Variants in MIPOL1 observed in about 807,000 individuals in gnomAD.
MIPOL1 encodes the protein mirror-image polydactyly 1.
Under a neutral mutation model 60.9 loss-of-function variants are expected in MIPOL1, and 57 were observed. The ratio of observed to expected loss-of-function variants is 0.94; its 90% CI spans 0.76 to 1.17. MIPOL1 has a LOEUF of 1.17. Among genes scored for constraint, MIPOL1 ranks in the 50% most tolerant of loss-of-function variants. The pLI is 0.00. For missense variants in MIPOL1, 551 were observed against 511.6 expected (o/e 1.08, Z -0.74); for synonymous variants, 179 against 168.8 (o/e 1.06, Z -0.47).
At chr14:37,298,338 CA>C (rs1400988020) in intron 7 of MIPOL1, among the ~76,000 whole-genome samples, 10 of 151,510 alleles carry the variant, frequency 6.6e-5, no homozygotes, top group Non-Finnish European at 1.2e-4. Context: ...GACCTAAAAC[CA>C]TAAAAACCCT....
At chr14:37,499,757 ATGT>A (rs1481554205) in intron 11 of MIPOL1, 148 bp from the exon 12 acceptor site, 9 of 465,552 alleles carry the variant, frequency 1.9e-5, no homozygotes, top group Non-Finnish European at 3.5e-5. Context: ...ATCAATTATA[ATGT>A]TGTGACATAA....
At chr14:37,374,258 A>C (rs904946059) in intron 10 of MIPOL1, among the ~76,000 whole-genome samples, 5 of 151,962 alleles carry the variant, frequency 3.3e-5, no homozygotes, top group Non-Finnish European at 7.4e-5. Context: ...AAATTTGTTT[A>C]AGTTATTTGT....
chr14:37,236,054 G>A (rs1299728385), intron 1 of MIPOL1, among the ~76,000 whole-genome samples: 1 of 151,846 alleles, frequency 6.6e-6, no homozygotes, highest in Non-Finnish European at 1.5e-5. Context: ...AGCCTCCTGA[G>A]TAGCTGGGAT....
intron 9 of MIPOL1, among the ~76,000 whole-genome samples, chr14:37,336,319 C>T (rs1000579957): frequency 4.0e-5 from 6 of 150,374 alleles, no homozygotes; most frequent in Non-Finnish European, 8.9e-5. Context: ...ACTATAGCTT[C>T]GTAATTTTGA....
chr14:37,374,332 G>C (rs2092717813), intron 10 of MIPOL1, among the ~76,000 whole-genome samples: 1 of 152,090 alleles, frequency 6.6e-6, no homozygotes, highest in Non-Finnish European at 1.5e-5. Flanking sequence ...CATTCTGTAG[G>C]TTGCCTGTTC....
rs78866640 is a variant in MIPOL1 at position 37,526,196 on chromosome 14, C to CTTT, written c.1263-20696_1263-20694dup. ...TGTAGTCAGTGTAGTTGTATATATG[C>CTTT]TTTTTTTTTTTTTTTGGAAATACTG... On this transcript the variant is annotated intron_variant, in intron 12 of 12. Coordinates refer to ENST00000684589, the MANE Select transcript of MIPOL1 (RefSeq NM_001388067.1). 8.6e-3 allele frequency among the ~76,000 whole-genome samples: 1,150 copies of CTTT among 133,102 alleles called. 16 individuals carry two copies. Among genetic ancestry groups the CTTT allele is most frequent in the African/African-American group, 0.029 (1,056 of 36,382 alleles). The allele number at this position is 133,102 out of a possible 152,430, so 87.3% of individuals were successfully genotyped here.
At chr14:37,451,266 A>G (rs1440110552) in intron 11 of MIPOL1, among the ~76,000 whole-genome samples, 2 of 152,114 alleles carry the variant, frequency 1.3e-5, no homozygotes, top group Non-Finnish European at 2.9e-5. Context: ...CCTTATCTCC[A>G]CTGTCTTGCA....
At chr14:37,215,386 T>G (rs1231539694) in intron 1 of MIPOL1, among the ~76,000 whole-genome samples, 1 of 152,008 alleles carries the variant, frequency 6.6e-6, no homozygotes, top group Non-Finnish European at 1.5e-5. Context: ...TCTTTTTTTC[T>G]ACAATCTTTT....
rs182151836 is a variant in MIPOL1 at position 37,316,114 on chromosome 14, C to T, written c.828+7595C>T. Among the ~76,000 whole-genome samples the T allele has an allele frequency of 2.0e-5, 3 of 151,740 alleles. No individual in the cohort carries two copies. In the East Asian group the frequency reaches 5.8e-4, roughly 30 times the overall value. On this transcript the variant is annotated intron_variant, in intron 9 of 12. Coordinates refer to ENST00000684589, the MANE Select transcript of MIPOL1 (RefSeq NM_001388067.1). ...TGATATAAGCTCACCGCAACCTCTC[C>T]CTCCTGGGTTCAAGCAATTCTCTTG...
intron 12 of MIPOL1, among the ~76,000 whole-genome samples, chr14:37,539,269 T>C (rs985514497): frequency 4.6e-5 from 7 of 152,072 alleles, no homozygotes; most frequent in South Asian, 2.1e-4. Flanking sequence ...TTAAATAAAA[T>C]AGAGTTGTTT....
At chr14:37,527,632 G>GA (rs2095455866) in intron 12 of MIPOL1, among the ~76,000 whole-genome samples, 1 of 152,048 alleles carries the variant, frequency 6.6e-6, no homozygotes, top group African/African-American at 2.4e-5. Context: ...ATTTGAATGT[G>GA]AGAGATTAAA....
rs1454389856 is a variant in MIPOL1 at position 37,198,912 on chromosome 14, G to A, written c.-199+808G>A. On this transcript the variant is annotated intron_variant, in intron 1 of 12. Transcript: ENST00000684589. ...AAGTTTTTCCTTGTGATCTGGTATGGAGTTCATCTAAAATGACAATTACAT... is the reference window on the plus strand; with the variant it reads ...AAGTTTTTCCTTGTGATCTGGTATGAAGTTCATCTAAAATGACAATTACAT... Among the ~76,000 whole-genome samples the A allele has an allele frequency of 2.0e-5, 3 of 152,126 alleles. No homozygotes were observed. The East Asian group carries it at 5.8e-4, about 29-fold the overall frequency.
intron 1 of MIPOL1, among the ~76,000 whole-genome samples, chr14:37,236,503 C>A (rs1412517565): frequency 2.0e-5 from 3 of 151,924 alleles, no homozygotes; most frequent in African/African-American, 7.3e-5. Flanking sequence ...TTGGTGCAAT[C>A]TCGGCTCACT....
At chr14:37,533,295 T>C (rs1402598369) in intron 12 of MIPOL1, among the ~76,000 whole-genome samples, 2 of 152,172 alleles carry the variant, frequency 1.3e-5, no homozygotes, top group Non-Finnish European at 2.9e-5. Flanking sequence ...TGAATGAAAT[T>C]ATACTTCAGA....
rs1159748657 is a variant in MIPOL1 at position 37,549,258 on chromosome 14, ACTT to A, written c.*2294_*2296del. The A allele has an allele frequency of 3.3e-5, 5 of 152,066 alleles. No homozygotes were observed. The highest frequency in any genetic ancestry group is 1.2e-4 in the African/African-American group (5 of 41,568). The allele number at this position is 152,066 out of a possible 1,614,324, so 9.4% of individuals were successfully genotyped here. On this transcript the variant is annotated 3_prime_UTR_variant, in exon 13 of 13. Coordinates refer to ENST00000684589, the MANE Select transcript of MIPOL1 (RefSeq NM_001388067.1). The stretch of plus-strand genomic sequence containing the variant: ...AAATCCTATAGTAACATGAGAATTC[ACTT>A]CTTCTTGTAAAAATAAGTAATTTAC...
intron 9 of MIPOL1, among the ~76,000 whole-genome samples, chr14:37,337,399 C>T (rs1302803828): frequency 2.0e-5 from 2 of 102,158 alleles, no homozygotes; most frequent in African/African-American, 4.0e-5. Context: ...GACAGAGTCT[C>T]GCAATGTCAC....
At chr14:37,215,573 A>G (rs1286097004) in intron 1 of MIPOL1, among the ~76,000 whole-genome samples, 1 of 152,226 alleles carries the variant, frequency 6.6e-6, no homozygotes, top group Non-Finnish European at 1.5e-5. Context: ...GAAATAAAGA[A>G]GGAAGAGAAT....
chr14:37,468,472 A>G (rs1275872138), intron 11 of MIPOL1, among the ~76,000 whole-genome samples: 2 of 152,154 alleles, frequency 1.3e-5, no homozygotes, highest in Non-Finnish European at 2.9e-5. Flanking sequence ...CTTAGTGTCC[A>G]GAAAGTAATT....
At position 37,280,144 on chromosome 14, in the gene MIPOL1, C is replaced by A. The variant is rs926692763; in HGVS notation, c.494-5174C>A. ...CCCTTCTTTTTTTCAGCTTTTCCAG[C>A]TGAAAAACCTGAATCCTAGCTTTTA... On this transcript the variant is annotated intron_variant, in intron 6 of 12. Transcript: ENST00000684589. Among the ~76,000 whole-genome samples the A allele has an allele frequency of 2.3e-4, 35 of 152,132 alleles. 1 individual carries two copies. Among genetic ancestry groups the A allele is most frequent in the African/African-American group, 8.2e-4 (34 of 41,492 alleles).
Sources: allele counts gnomAD v4.1 joint callset (sites outside exome capture counted in the v4.1 genomes callset), GRCh38; gene constraint gnomAD v4.1.1; transcripts MANE v1.5; gene names NCBI Gene and HGNC (gene_info 2026-07-23, HGNC 2026-07-21).